TWIST2: variants seen among roughly 807,000 people sequenced by gnomAD.
TWIST2 encodes twist-related protein 2.
A neutral mutation model predicts 11.6 loss-of-function variants in TWIST2; 1 was observed. That is an observed-to-expected ratio of 0.09 (90% confidence interval 0.03 to 0.41). The LOEUF (loss-of-function observed/expected upper bound fraction) is 0.41. Among genes scored for constraint, TWIST2 ranks in the 10% least tolerant of loss-of-function variants. The pLI, the probability that TWIST2 is intolerant of heterozygous loss-of-function variation, is 0.98. For synonymous variants in TWIST2, 87 were observed against 96.6 expected (o/e 0.90, Z 0.58); for missense variants, 168 against 226.4 (o/e 0.74, Z 1.66).
intron 1 of TWIST2, among the ~76,000 whole-genome samples, chr2:238,872,992 C>G (rs1235005958): frequency 6.6e-6 from 1 of 152,160 alleles, no homozygotes; most frequent in Non-Finnish European, 1.5e-5. Flanking sequence ...TCACCATTCA[C>G]ATCCAGCCAA....
At chr2:238,874,486 A>T (rs533518570) in intron 1 of TWIST2, among the ~76,000 whole-genome samples, 2 of 152,272 alleles carry the variant, frequency 1.3e-5, no homozygotes, top group South Asian at 4.1e-4. Flanking sequence ...TTATCCCAGG[A>T]CTTCCACAAT....
chr2:238,909,148 GTA>G (rs1693410064), intron 1 of TWIST2, among the ~76,000 whole-genome samples: 2 of 39,310 alleles, frequency 5.1e-5, no homozygotes, highest in African/African-American at 8.5e-5. Flanking sequence ...TGTGGTATGT[GTA>G]TGTGGTGTGT....
intron 1 of TWIST2, among the ~76,000 whole-genome samples, chr2:238,859,874 T>C (rs139338240): frequency 0.92 from 140,555 of 152,268 alleles, 65,022 homozygotes; most frequent in African/African-American, 0.98. Context: ...TGTGACATGT[T>C]GAGTACACCT....
Position 238,849,992 on chromosome 2 carries a change from G to A in TWIST2, c.*35+1259G>A, listed in dbSNP as rs528072362. ...CAGAAGGAATTTAGATTAATCAAGA[G>A]CACCCGGCCGCCTATTCTCCCAAAC... On this transcript the variant is annotated intron_variant, in intron 1 of 1. Transcript: ENST00000612363. Among the ~76,000 whole-genome samples the A allele has an allele frequency of 1.9e-3, 287 of 152,314 alleles. 2 individuals carry two copies. The highest frequency in any genetic ancestry group is 4.3e-3 in the Admixed American group (66 of 15,298).
At chr2:238,880,083 T>A (rs1036784004) in intron 1 of TWIST2, among the ~76,000 whole-genome samples, 1 of 152,166 alleles carries the variant, frequency 6.6e-6, no homozygotes, top group African/African-American at 2.4e-5. Flanking sequence ...TGGTGTTAGT[T>A]TTGATATTAG....
At chr2:238,895,334 C>G (rs1693194132) in intron 1 of TWIST2, among the ~76,000 whole-genome samples, 1 of 152,244 alleles carries the variant, frequency 6.6e-6, no homozygotes, top group African/African-American at 2.4e-5. Context: ...TTCCTGTGGC[C>G]CCATTCTCTC....
chr2:238,848,185 C>T lies in TWIST2; in HGVS notation c.-31C>T, dbSNP rs1339970249. Reference sequence around the variant, plus strand: ...GCGGCGCGCGCTCGGCGCCCCGGCGCCCCCAGCCCCACGCGCGCCGGGCGG... The same window carrying T: ...GCGGCGCGCGCTCGGCGCCCCGGCGTCCCCAGCCCCACGCGCGCCGGGCGG... On this transcript the variant is annotated 5_prime_UTR_variant, in exon 1 of 2. Coordinates refer to ENST00000612363, the MANE Select transcript of TWIST2 (RefSeq NM_001271893.4). The T allele has an allele frequency of 2.4e-5, 29 of 1,230,766 alleles. No homozygotes were observed. The highest frequency in any genetic ancestry group is 2.8e-5 in the Non-Finnish European group (28 of 988,258). 76.2% of individuals were successfully genotyped at this position (1,230,766 alleles called of 1,614,324 possible). A position where few individuals can be genotyped will look rare whatever the true frequency, so the allele number is the denominator to read the frequency against.
At chr2:238,896,323 G>A (rs1416159525) in intron 1 of TWIST2, among the ~76,000 whole-genome samples, 1 of 152,224 alleles carries the variant, frequency 6.6e-6, no homozygotes, top group Non-Finnish European at 1.5e-5. Context: ...CCATAGCATG[G>A]GGAGCAAACA....
In TWIST2 at chr2:238,887,824, G is replaced by C. The variant is rs564512298; in HGVS notation, c.*36-22018G>C. Among the ~76,000 whole-genome samples the C allele has an allele frequency of 2.6e-5, 4 of 152,302 alleles. No homozygotes were observed. The South Asian group carries it at 8.3e-4, about 32-fold the overall frequency. On this transcript the variant is annotated intron_variant, in intron 1 of 1. Coordinates refer to ENST00000612363, the MANE Select transcript of TWIST2 (RefSeq NM_001271893.4). ...CGTGGAGCAGAGTCCCTGCCAACCT[G>C]AATGAGCAAGAAGCAAACGACTGCT...
At chr2:238,882,180 C>A (rs1043024695) in intron 1 of TWIST2, among the ~76,000 whole-genome samples, 1 of 152,144 alleles carries the variant, frequency 6.6e-6, no homozygotes, top group Non-Finnish European at 1.5e-5. Context: ...CCCCACTTGC[C>A]TTCTTTTCCC....
Position 238,874,827 on chromosome 2 carries a change from C to T in TWIST2, c.*35+26094C>T, listed in dbSNP as rs139451853. ...GATTCAGGTAGGAGAGGGGCCTGGG[C>T]TCCCCAGGGTACTTGATTTGTCCTT... On this transcript the variant is annotated intron_variant, in intron 1 of 1. Coordinates refer to ENST00000612363, the MANE Select transcript of TWIST2 (RefSeq NM_001271893.4). Among the ~76,000 whole-genome samples the T allele has an allele frequency of 5.1e-3, 781 of 152,258 alleles. 4 individuals are homozygous for T. Among genetic ancestry groups the T allele is most frequent in the Non-Finnish European group, 8.1e-3 (550 of 68,024 alleles).
intron 1 of TWIST2, among the ~76,000 whole-genome samples, chr2:238,853,720 A>G (rs1397772634): frequency 2.0e-5 from 3 of 152,216 alleles, no homozygotes; most frequent in African/African-American, 7.2e-5. Context: ...CACTTCGAAA[A>G]GAGACTTGGA....
intron 1 of TWIST2, among the ~76,000 whole-genome samples, chr2:238,889,145 A>G (rs1475581083): frequency 1.3e-5 from 2 of 152,130 alleles, no homozygotes; most frequent in Non-Finnish European, 2.9e-5. Flanking sequence ...AGTCCAGCCC[A>G]AAAGAAGAGC....
chr2:238,868,961 G>A (rs1692596176), intron 1 of TWIST2, among the ~76,000 whole-genome samples: 1 of 152,248 alleles, frequency 6.6e-6, no homozygotes, highest in Non-Finnish European at 1.5e-5. Flanking sequence ...GGGGTCAGTT[G>A]GCATCGGTGT....
intron 1 of TWIST2, among the ~76,000 whole-genome samples, chr2:238,860,841 G>A (rs1236901945): frequency 1.3e-5 from 2 of 152,204 alleles, no homozygotes; most frequent in African/African-American, 4.8e-5. Context: ...GGGAGGCTGA[G>A]GCAGGAGAAT....
intron 1 of TWIST2, among the ~76,000 whole-genome samples, chr2:238,885,134 G>A (rs76615291): frequency 0.017 from 2,642 of 152,312 alleles, 69 homozygotes; most frequent in African/African-American, 0.061. Context: ...CAGGGAGGCT[G>A]CACCACTGTG....
rs985743262 is a variant in TWIST2, at chr2:238,864,139, C to T, written c.*35+15406C>T. Among the ~76,000 whole-genome samples the T allele has an allele frequency of 7.9e-5, 12 of 151,992 alleles. No homozygotes were observed. Among genetic ancestry groups the T allele is most frequent in the South Asian group, 2.1e-4 (1 of 4,818 alleles). ...CTTTGCCAGATGACCAAATCCTTTT[C>T]GGAGAGATGACTGAAATATTTGTAA... On this transcript the variant is annotated intron_variant, in intron 1 of 1. Coordinates refer to ENST00000612363, the MANE Select transcript of TWIST2 (RefSeq NM_001271893.4). The surrounding 1 kb of genome is among the most constrained non-coding windows in gnomAD (Gnocchi z 4.7).
intron 1 of TWIST2, among the ~76,000 whole-genome samples, chr2:238,862,196 ACCATTC>A (rs1429236103): frequency 6.6e-6 from 1 of 152,220 alleles, no homozygotes; most frequent in African/African-American, 2.4e-5. Context: ...CCAAAAGCTG[ACCATTC>A]CAAGTCCAGC....
chr2:238,905,798 A>T (rs1256178893), intron 1 of TWIST2, among the ~76,000 whole-genome samples: 1 of 152,144 alleles, frequency 6.6e-6, no homozygotes, highest in Non-Finnish European at 1.5e-5. Flanking sequence ...AGGACCACTT[A>T]AAAAAGGCTT....
Sources: allele counts gnomAD v4.1 joint callset (sites outside exome capture counted in the v4.1 genomes callset), GRCh38; gene constraint gnomAD v4.1.1; non-coding constraint Gnocchi (gnomAD v3.1); transcripts MANE v1.5; gene names NCBI Gene and HGNC (gene_info 2026-07-23, HGNC 2026-07-21).